PDXDC1: variants seen among roughly 807,000 people sequenced by gnomAD.
PDXDC1 encodes the protein pyridoxal dependent decarboxylase domain containing 1, also known as pyridoxal-dependent decarboxylase domain-containing protein 1.
PDXDC1 carries 42 observed loss-of-function variants against 100.1 expected under a neutral mutation model. The observed-to-expected ratio is 0.42, with a 90% CI of 0.33 to 0.54. PDXDC1 has a LOEUF of 0.54. Among genes scored for constraint, PDXDC1 ranks in the 20% least tolerant of loss-of-function variants. The pLI, the probability that PDXDC1 is intolerant of heterozygous loss-of-function variation, is 0.10. For missense variants in PDXDC1, 636 were observed against 979.2 expected (o/e 0.65, Z 4.68); for synonymous variants, 260 against 371.7 (o/e 0.70, Z 3.46).
At chr16:15,022,247 A>G (rs1378563373) in intron 12 of PDXDC1, among the ~76,000 whole-genome samples, 1 of 152,294 alleles carries the variant, frequency 6.6e-6, no homozygotes, top group African/African-American at 2.4e-5. Flanking sequence ...AATTGAGGGA[A>G]CTGAAGCATA....
chr16:15,035,911 C>G, intron 22 of PDXDC1, 105 bp from the exon 23 acceptor site: 1 of 1,235,948 alleles, frequency 8.1e-7, no homozygotes, highest in Non-Finnish European at 1.1e-6. Context: ...AAGGTTTCTG[C>G]TGAAGCTGTG....
intron 16 of PDXDC1, chr16:15,136,061 C>A: frequency 6.3e-7 from 1 of 1,575,178 alleles, no homozygotes; most frequent in Non-Finnish European, 8.6e-7. Context: ...AGGCTGAAGG[C>A]CTCGCCCTGC....
chr16:15,009,270 A>G, intron 7 of PDXDC1: 1 of 345,306 alleles, frequency 2.9e-6, no homozygotes, highest in Non-Finnish European at 5.0e-6. Context: ...CTCCTTAATG[A>G]TTCCAGAAGG....
At chr16:15,050,332 A>G (rs2044246130) in intron 16 of PDXDC1, among the ~76,000 whole-genome samples, 1 of 152,214 alleles carries the variant, frequency 6.6e-6, no homozygotes, top group South Asian at 2.1e-4. Flanking sequence ...TAGACAACGT[A>G]TGTATGTATT....
chr16:15,111,456 C>CA (rs4012875), intron 16 of PDXDC1, among the ~76,000 whole-genome samples: 55,151 of 100,292 alleles, frequency 0.55, 16,197 homozygotes, highest in Admixed American at 0.65. Context: ...AACTCTGTCT[C>CA]AAAAAAAAAA....
downstream of PDXDC1, chr16:15,040,465 T>C (rs913336247): frequency 3.2e-5 from 6 of 189,900 alleles, no homozygotes; most frequent in African/African-American, 1.2e-4. Flanking sequence ...TTACAGAGAA[T>C]AGAACAGTGA....
Position 14,975,119 on chromosome 16 carries a change from T to C in PDXDC1, c.-81T>C. On this transcript the variant is annotated 5_prime_UTR_variant, in exon 1 of 23. Transcript: ENST00000396410. Reference sequence around the variant, plus strand: ...CCGCGGGCGCGGGGGACGTCAGCGCTGCCAGCGTGGAAGGAGCTGCGGGGC... The same window carrying C: ...CCGCGGGCGCGGGGGACGTCAGCGCCGCCAGCGTGGAAGGAGCTGCGGGGC... 6.8e-7 allele frequency: 1 copy of C among 1,470,980 alleles called. No individual in the cohort carries two copies. The highest frequency in any genetic ancestry group is 2.6e-5 in the East Asian group (1 of 38,780). 91.1% of individuals were successfully genotyped at this position (1,470,980 alleles called of 1,614,324 possible).
chr16:15,036,037 C>T lies in PDXDC1; in HGVS notation c.2129C>T (p.Ser710Phe), dbSNP rs1001744689. ...RLPGQKPFKR[S>F]LRGSDALSET... ...GTAGGCCAGAAGCCTTTTAAAAGGT[C>T]CCTGCGAGGTTCAGATGCTTTGAGT... The change falls in exon 23 of 23, where the codon TCC becomes TTC. Residue 710 changes from serine (S) to phenylalanine (F), a missense_variant. Transcript: ENST00000396410. 2 of 1,613,720 alleles carry T rather than the reference C, an allele frequency of 1.2e-6. No homozygotes were observed. Among genetic ancestry groups the T allele is most frequent in the Admixed American group, 1.7e-5 (1 of 59,940 alleles).
At chr16:15,091,675 A>G (rs1253493554) in intron 16 of PDXDC1, among the ~76,000 whole-genome samples, 4 of 152,242 alleles carry the variant, frequency 2.6e-5, no homozygotes, top group Non-Finnish European at 5.9e-5. Context: ...ACAGCCAGCT[A>G]TAATGATCTA....
chr16:15,078,884 TCA>T (rs1390306712), intron 16 of PDXDC1, among the ~76,000 whole-genome samples: 2 of 149,618 alleles, frequency 1.3e-5, no homozygotes, highest in East Asian at 3.9e-4. Flanking sequence ...CAATCTCGGC[TCA>T]CTGCAAGCTC....
At chr16:15,067,083 A>G (rs2045012337) in intron 16 of PDXDC1, among the ~76,000 whole-genome samples, 1 of 145,580 alleles carries the variant, frequency 6.9e-6, no homozygotes, top group South Asian at 2.3e-4. Flanking sequence ...GCCGTTGCTT[A>G]TTGGTCTCTT....
chr16:14,985,669 ATTC>A (rs1969203758), intron 1 of PDXDC1, among the ~76,000 whole-genome samples: 1 of 152,278 alleles, frequency 6.6e-6, no homozygotes, highest in Non-Finnish European at 1.5e-5. Context: ...CTTGCATTTG[ATTC>A]TTGACTTTTC....
intron 16 of PDXDC1, chr16:15,063,090 A>C: frequency 2.3e-6 from 2 of 859,086 alleles, no homozygotes; most frequent in Middle Eastern, 3.2e-4. Context: ...TTGACCCCCT[A>C]AAGTGCGGGG....
At chr16:15,130,637 C>T (rs201767880) in intron 16 of PDXDC1, 498 of 1,348,086 alleles carry the variant, frequency 3.7e-4, no homozygotes, top group Non-Finnish European at 4.7e-4. Flanking sequence ...GAGCTCACCC[C>T]GGGGAAATGA....
rs554182600 is a variant in PDXDC1 at position 15,079,848 on chromosome 16, C to T, written c.1399+49792C>T. ...CTGACCTCAGGTGATCTGCCTGCCT[C>T]GGCCTCCCAAAGTGCTGGGAATACA... On this transcript the variant is annotated intron_variant, in intron 16 of 16. Coordinates refer to the PDXDC1 transcript ENST00000535621. 210 of 814,306 alleles carry T rather than the reference C, an allele frequency of 2.6e-4. 3 individuals are homozygous for T. The East Asian group carries it at 6.7e-3, about 26-fold the overall frequency. 50.4% of individuals were successfully genotyped at this position (814,306 alleles called of 1,614,324 possible). A position where few individuals can be genotyped will look rare whatever the true frequency, so the allele number is the denominator to read the frequency against.
downstream of PDXDC1, among the ~76,000 whole-genome samples, chr16:15,041,308 C>G (rs572524858): frequency 6.6e-6 from 1 of 152,258 alleles, no homozygotes; most frequent in East Asian, 1.9e-4. Context: ...ACTGAACAAA[C>G]TGGCAGCTGC....
At chr16:14,998,257 A>C in intron 2 of PDXDC1, 83 bp from the exon 3 acceptor site, 1 of 1,416,644 alleles carries the variant, frequency 7.1e-7, no homozygotes. Context: ...GGTTATAGGC[A>C]ACATGGTCAT....
At chr16:15,144,231 A>G (rs2048518936), downstream of PDXDC1, among the ~76,000 whole-genome samples, 1 of 152,106 alleles carries the variant, frequency 6.6e-6, no homozygotes, top group African/African-American at 2.4e-5. Flanking sequence ...TGCCACCCCC[A>G]CTGTGGCCCC....
At chr16:14,984,315 C>CTT (rs1167894912) in intron 1 of PDXDC1, among the ~76,000 whole-genome samples, 181 of 106,832 alleles carry the variant, frequency 1.7e-3, no homozygotes, top group South Asian at 5.1e-3. Flanking sequence ...GCACCCCCGC[C>CTT]TTTTTTTTTT....
Sources: allele counts gnomAD v4.1 joint callset (sites outside exome capture counted in the v4.1 genomes callset), GRCh38; gene constraint gnomAD v4.1.1; transcripts MANE v1.5; gene names NCBI Gene and HGNC (gene_info 2026-07-23, HGNC 2026-07-21).